Variants in FHIT observed in about 807,000 individuals in gnomAD.
FHIT encodes the protein fragile histidine triad diadenosine triphosphatase.
In FHIT, 19 loss-of-function variants were observed where a neutral mutation model predicts 17.9. The observed-to-expected ratio is 1.06, with a 90% CI of 0.74 to 1.56. The LOEUF (loss-of-function observed/expected upper bound fraction) is 1.56, where lower values mean the gene tolerates loss of function less well. Ranked by LOEUF, FHIT falls within the 40% of genes most tolerant of loss-of-function variation. The pLI, the probability that FHIT is intolerant of heterozygous loss-of-function variation, is 0.00. For synonymous variants in FHIT, 81 were observed against 69.7 expected (o/e 1.16, Z -0.81); for missense variants, 248 against 189.2 (o/e 1.31, Z -1.82).
intron 8 of FHIT, among the ~76,000 whole-genome samples, chr3:59,816,389 C>T (rs1700600755): frequency 6.6e-6 from 1 of 152,170 alleles, no homozygotes; most frequent in African/African-American, 2.4e-5. Flanking sequence ...TAACAACAAT[C>T]ACAGTGAGTT....
At chr3:60,791,336 CAAA>C (rs1194737436) in intron 4 of FHIT, among the ~76,000 whole-genome samples, 4 of 152,044 alleles carry the variant, frequency 2.6e-5, no homozygotes, top group African/African-American at 4.8e-5. Flanking sequence ...ATCAGCAACT[CAAA>C]GAAGAAAAAG....
At chr3:59,900,563 T>C (rs953681507) in intron 8 of FHIT, among the ~76,000 whole-genome samples, 2 of 152,172 alleles carry the variant, frequency 1.3e-5, no homozygotes, top group African/African-American at 4.8e-5. Context: ...CTCATTACCA[T>C]GTGTATATCC....
intron 3 of FHIT, among the ~76,000 whole-genome samples, chr3:60,842,910 A>G (rs558368789): frequency 1.3e-5 from 2 of 152,154 alleles, no homozygotes; most frequent in Admixed American, 6.5e-5. Flanking sequence ...CAGGGGTGCT[A>G]TTAAGTACTT....
At chr3:60,950,814 T>C (rs1553777048) in intron 3 of FHIT, among the ~76,000 whole-genome samples, 1 of 151,456 alleles carries the variant, frequency 6.6e-6, no homozygotes, top group Admixed American at 6.6e-5. Context: ...TGAGCCACCA[T>C]GCCCGGCCTA....
Position 59,752,329 on chromosome 3 carries a change from GA to G in FHIT, c.349-9del, listed in dbSNP as rs746429162. On this transcript the variant is annotated splice_polypyrimidine_tract_variant and intron_variant, in intron 8 of 9. Transcript: ENST00000492590. ...CTTGTCATGTTTCTGGAGCTTTGGA[GA>G]AAAAAAAAGGAAGAGGCTCTTTCAT... is the stretch of plus-strand genomic sequence containing the variant. 6.6e-5 allele frequency: 104 copies of G among 1,573,170 alleles called. No individual in the cohort carries two copies. Among genetic ancestry groups the G allele is most frequent in the Admixed American group, 7.2e-5 (4 of 55,298 alleles).
chr3:60,570,705 A>T (rs748893234), intron 4 of FHIT, among the ~76,000 whole-genome samples: 3 of 149,614 alleles, frequency 2.0e-5, no homozygotes, highest in Non-Finnish European at 4.4e-5. Flanking sequence ...AGTTCTTTGA[A>T]GGCAGAAACA....
chr3:60,923,686 C>T (rs1553769019), intron 3 of FHIT, among the ~76,000 whole-genome samples: 2 of 152,126 alleles, frequency 1.3e-5, no homozygotes, highest in African/African-American at 4.8e-5. Flanking sequence ...AGGTTCATCT[C>T]ACTGAGGAGT....
At chr3:61,117,768 T>C (rs1010180213) in intron 2 of FHIT, among the ~76,000 whole-genome samples, 1 of 152,198 alleles carries the variant, frequency 6.6e-6, no homozygotes, top group African/African-American at 2.4e-5. Flanking sequence ...TTCCTAGCAC[T>C]TTAAAAAGGC....
chr3:59,990,754 T>C (rs932871673), intron 7 of FHIT, among the ~76,000 whole-genome samples: 25 of 152,044 alleles, frequency 1.6e-4, no homozygotes, highest in African/African-American at 5.6e-4. Flanking sequence ...AGGGTTTTTA[T>C]TGACCAAAGT....
intron 8 of FHIT, among the ~76,000 whole-genome samples, chr3:59,806,116 G>A (rs1700185377): frequency 6.6e-6 from 1 of 150,938 alleles, no homozygotes; most frequent in African/African-American, 2.4e-5. Context: ...AGGAGGCGGA[G>A]CTTGCAGTGA....
At chr3:60,029,927 G>A (rs1405743202) in intron 5 of FHIT, among the ~76,000 whole-genome samples, 3 of 151,470 alleles carry the variant, frequency 2.0e-5, no homozygotes, top group Middle Eastern at 3.4e-3. Context: ...GTGTGTGTGT[G>A]TACAAATGTG....
At chr3:61,024,087 C>T (rs1278173009) in intron 3 of FHIT, among the ~76,000 whole-genome samples, 2 of 151,830 alleles carry the variant, frequency 1.3e-5, no homozygotes, top group Non-Finnish European at 2.9e-5. Context: ...GTATATTTTA[C>T]AAAATGTAAA....
chr3:60,285,831 A>T (rs1707699810), intron 5 of FHIT, among the ~76,000 whole-genome samples: 1 of 152,208 alleles, frequency 6.6e-6, no homozygotes, highest in Admixed American at 6.5e-5. Flanking sequence ...AATGTAATAC[A>T]TTCATATTAC....
At chr3:59,788,044 G>A (rs1033472129) in intron 8 of FHIT, among the ~76,000 whole-genome samples, 4 of 152,208 alleles carry the variant, frequency 2.6e-5, no homozygotes, top group Non-Finnish European at 5.9e-5. Context: ...CAATCAAAGT[G>A]TGACATTGGC....
chr3:61,167,024 C>G (rs941883236), intron 2 of FHIT: 4 of 152,138 alleles, frequency 2.6e-5, no homozygotes, highest in Admixed American at 6.6e-5. Flanking sequence ...ACAGGGTGGT[C>G]CAAGGTCCAC....
intron 5 of FHIT, among the ~76,000 whole-genome samples, chr3:60,188,207 C>CTTTTTTTTTTTTTTTTTTTTTTTT (rs1210975877): frequency 8.0e-6 from 1 of 125,574 alleles, no homozygotes; most frequent in African/African-American, 3.0e-5. Flanking sequence ...CAGTTTCTTT[C>CTTTTTTTTTTTTTTTTTTTTTTTT]TTTTTTTTTT....
chr3:60,311,660 G>A (rs530886105), intron 5 of FHIT, among the ~76,000 whole-genome samples: 60 of 152,258 alleles, frequency 3.9e-4, no homozygotes, highest in African/African-American at 1.3e-3. Context: ...ATGCATAATT[G>A]CTCACTCTGT....
chr3:60,314,377 G>A (rs73836723), intron 5 of FHIT, among the ~76,000 whole-genome samples: 4,129 of 152,162 alleles, frequency 0.027, 188 homozygotes, highest in African/African-American at 0.094. Context: ...ACTGTAGGCC[G>A]TGAATGATTA....
In FHIT at chr3:60,144,175, C is replaced by T. The variant is rs138186486; in HGVS notation, c.104-130023G>A. 8.2e-4 allele frequency among the ~76,000 whole-genome samples: 125 copies of T among 152,258 alleles called. 1 individual carries two copies. The East Asian group carries it at 0.021, about 26-fold the overall frequency. On this transcript the variant is annotated intron_variant, in intron 5 of 9. Coordinates refer to ENST00000492590, the MANE Select transcript of FHIT (RefSeq NM_002012.4). ...TGAGCAAAGCTATCCAGCATCCATA[C>T]GGCAGAAGTTGTTATGGGGACTTAT... is the stretch of plus-strand genomic sequence containing the variant.
Sources: allele counts gnomAD v4.1 joint callset (sites outside exome capture counted in the v4.1 genomes callset), GRCh38; gene constraint gnomAD v4.1.1; transcripts MANE v1.5; gene names NCBI Gene and HGNC (gene_info 2026-07-23, HGNC 2026-07-21).